Variants in AKAP12 observed in about 807,000 individuals in gnomAD.
The protein encoded by AKAP12 is A-kinase anchoring protein 12, also known as A-kinase anchor protein 12.
In AKAP12, 32 loss-of-function variants were observed where a neutral mutation model predicts 79.9. The ratio of observed to expected loss-of-function variants is 0.40; its 90% confidence interval spans 0.30 to 0.54. The LOEUF is 0.54. AKAP12 is among the 20% of genes least tolerant of loss of function. The probability of loss-of-function intolerance (pLI) is 0.48; values close to 1 mark genes in which losing one functional copy is unlikely to be tolerated. For missense variants in AKAP12, 2,074 were observed against 2,177.0 expected (o/e 0.95, Z 0.94); for synonymous variants, 808 against 857.0 (o/e 0.94, Z 1.00).
chr6:151,261,626 G>A (rs147860090), intron 2 of AKAP12, among the ~76,000 whole-genome samples: 8,095 of 151,634 alleles, frequency 0.053, 261 homozygotes, highest in African/African-American at 0.085. Flanking sequence ...ACTTGAACCC[G>A]GGAGGTGGAG....
intron 3 of AKAP12, among the ~76,000 whole-genome samples, chr6:151,330,861 T>C (rs556542570): frequency 6.6e-6 from 1 of 152,266 alleles, no homozygotes; most frequent in East Asian, 1.9e-4. Flanking sequence ...CTCTACATTA[T>C]ATGGAGCTTG....
At chr6:151,295,904 A>T (rs906824749) in intron 2 of AKAP12, among the ~76,000 whole-genome samples, 2 of 152,188 alleles carry the variant, frequency 1.3e-5, no homozygotes, top group African/African-American at 4.8e-5. Flanking sequence ...GGTGATGGTG[A>T]GGAGATGTTC....
intron 2 of AKAP12, among the ~76,000 whole-genome samples, chr6:151,268,377 A>G (rs893344493): frequency 3.9e-5 from 6 of 152,154 alleles, no homozygotes; most frequent in Non-Finnish European, 8.8e-5. Context: ...AGATCACGCC[A>G]TTGCACTCCA....
chr6:151,349,000 A>G lies in AKAP12; in HGVS notation c.609A>G (p.Lys203=), dbSNP rs1334478339. 1 of 1,614,010 alleles carries G rather than the reference A, an allele frequency of 6.2e-7. No individual in the cohort carries two copies. Among genetic ancestry groups the G allele is most frequent in the Non-Finnish European group, 8.5e-7 (1 of 1,180,024 alleles). Residue 203 remains lysine, a synonymous_variant, in exon 4 of 5, where the codon AAA becomes AAG. Transcript: ENST00000402676. ...CTGTCCAGCTACTCACTGTGAAGAAAGATGAAGGGGAGGGAGCAGCAGGGG... is the reference window on the plus strand; with the variant it reads ...CTGTCCAGCTACTCACTGTGAAGAAGGATGAAGGGGAGGGAGCAGCAGGGG... ...PDTVQLLTVK[K]DEGEGAAGAG... is the part of the protein sequence containing the mutation.
intron 3 of AKAP12, among the ~76,000 whole-genome samples, chr6:151,322,814 A>C (rs1267532459): frequency 6.7e-6 from 1 of 150,100 alleles, no homozygotes; most frequent in Non-Finnish European, 1.5e-5. Context: ...TCTCATTTAG[A>C]TCCCTGGGTG....
At chr6:151,321,871 CCT>C (rs1315772175) in intron 3 of AKAP12, among the ~76,000 whole-genome samples, 1 of 150,332 alleles carries the variant, frequency 6.7e-6, no homozygotes, top group Non-Finnish European at 1.5e-5. Context: ...GCCACCTGCC[CCT>C]GTTTTTTAAA....
In AKAP12 at chr6:151,351,839, CAGG is replaced by C. The variant is rs779665518; in HGVS notation, c.3451_3453del (p.Glu1151del). On this transcript the variant is annotated inframe_deletion, in exon 4 of 5. Transcript: ENST00000402676. The surrounding 1 kb of genome is among the most constrained non-coding windows in gnomAD (Gnocchi z 4.4). ...CGAAACCTTAGCTGGGGTAAAATCA[CAGG>C]AGATGGTGATGGAACAGGCTATCCC... is the stretch of plus-strand genomic sequence containing the variant. 14 of 1,613,934 alleles carry C rather than the reference CAGG, an allele frequency of 8.7e-6. No individual in the cohort carries two copies. Among genetic ancestry groups the C allele is most frequent in the Admixed American group, 8.3e-5 (5 of 59,982 alleles).
At chr6:151,277,538 T>C (rs1258192941) in intron 2 of AKAP12, among the ~76,000 whole-genome samples, 1 of 152,204 alleles carries the variant, frequency 6.6e-6, no homozygotes, top group East Asian at 1.9e-4. Flanking sequence ...TACCTCAAAA[T>C]TTGGTGCTTG....
intron 3 of AKAP12, among the ~76,000 whole-genome samples, chr6:151,315,054 G>GAA (rs75653442): frequency 0.023 from 2,909 of 129,276 alleles, 110 homozygotes; most frequent in African/African-American, 0.079. Context: ...TCTGTCTCAA[G>GAA]AAAAAAAAAA....
chr6:151,350,327 A>G lies in AKAP12; in HGVS notation c.1936A>G (p.Thr646Ala), dbSNP rs758879145. 5.0e-6 allele frequency: 8 copies of G among 1,613,962 alleles called. No homozygotes were observed. In the South Asian group the frequency reaches 7.7e-5, roughly 16 times the overall value. Reference sequence around the variant, plus strand: ...GGTCAAGAGCGCTACCTTGTCTTCCACCGAGAGCACAGCCTCTGAAATGCA... The same window carrying G: ...GGTCAAGAGCGCTACCTTGTCTTCCGCCGAGAGCACAGCCTCTGAAATGCA... ...DKVKSATLSS[T>A]ESTASEMQEE... The change falls in exon 4 of 5, where the codon ACC (threonine) becomes GCC (alanine). Residue 646 changes from threonine (T) to alanine (A), a missense_variant. Transcript: ENST00000402676. The surrounding 1 kb of genome is among the most constrained non-coding windows in gnomAD (Gnocchi z 4.8).
rs376358304 is a variant in AKAP12 at position 151,350,787 on chromosome 6, G to T, written c.2396G>T (p.Gly799Val). Residue 799 changes from glycine (G) to valine (V), a missense_variant, in exon 4 of 5, where the codon GGT becomes GTT. Gly to Val is a moderately radical substitution (Grantham distance 109). Transcript: ENST00000402676. This position sits in a 1 kb window ranked among gnomAD's most constrained non-coding sequence, Gnocchi z 4.8. ...VEHSTPDTEPGKEESWVSIKK... is the reference protein window; with the variant it reads ...VEHSTPDTEPVKEESWVSIKK... ...CATTCCACTCCAGACACTGAACCCG[G>T]TAAAGAAGAATCCTGGGTCTCAATC... 6.2e-7 allele frequency: 1 copy of T among 1,614,026 alleles called. No homozygotes were observed. The highest frequency in any genetic ancestry group is 1.7e-5 in the Admixed American group (1 of 60,022).
At chr6:151,281,057 G>A (rs533508029) in intron 2 of AKAP12, among the ~76,000 whole-genome samples, 4 of 152,284 alleles carry the variant, frequency 2.6e-5, no homozygotes, top group East Asian at 1.9e-4. Context: ...GCAGGAAGTG[G>A]CTGTGTTTCT....
intron 2 of AKAP12, among the ~76,000 whole-genome samples, chr6:151,301,486 G>A (rs7739704): frequency 2.0e-5 from 3 of 152,104 alleles, no homozygotes; most frequent in Non-Finnish European, 4.4e-5. Flanking sequence ...TCAGAAGTCC[G>A]TGAATTTTTA....
At chr6:151,241,877 T>G (rs1234952994) in intron 2 of AKAP12, among the ~76,000 whole-genome samples, 2 of 149,630 alleles carry the variant, frequency 1.3e-5, no homozygotes, top group Admixed American at 6.6e-5. Context: ...TGCCTTGACC[T>G]CCTTAGCTGC....
At chr6:151,286,547 C>G (rs7764915) in intron 2 of AKAP12, among the ~76,000 whole-genome samples, 68,903 of 152,108 alleles carry the variant, frequency 0.45, 16,758 homozygotes, top group East Asian at 0.78. Context: ...TAGTCACTCA[C>G]ATGTGAATAT....
At chr6:151,338,807 G>A (rs924004743) in intron 3 of AKAP12, among the ~76,000 whole-genome samples, 2 of 152,140 alleles carry the variant, frequency 1.3e-5, no homozygotes, top group African/African-American at 4.8e-5. Flanking sequence ...TCCTTCTCAG[G>A]GTATTGCACG....
Position 151,350,025 on chromosome 6 carries a change from G to A in AKAP12, c.1634G>A (p.Gly545Glu). 1 of 1,614,108 alleles carries A rather than the reference G, an allele frequency of 6.2e-7. No homozygotes were observed. The highest frequency in any genetic ancestry group is 8.5e-7 in the Non-Finnish European group (1 of 1,180,034). The change falls in exon 4 of 5, where the codon GGG becomes GAG. Residue 545 changes from glycine to glutamate, a missense_variant. This residue lies in a region of AKAP12 where 1,428 missense variants were observed against 1,451.0 expected (regional missense o/e 0.98). Coordinates refer to ENST00000402676, the MANE Select transcript of AKAP12 (RefSeq NM_005100.4). The surrounding 1 kb of genome is among the most constrained non-coding windows in gnomAD (Gnocchi z 4.8). Reference protein sequence around the residue: ...GKRGGGDEESGEHTQVPADSP... With the variant: ...GKRGGGDEESEEHTQVPADSP... The stretch of plus-strand genomic sequence containing the variant: ...AGAGGAGGAGGAGACGAGGAATCAG[G>A]GGAGCACACTCAGGTTCCAGCCGAT...
chr6:151,277,468 T>G (rs1421623807), intron 2 of AKAP12, among the ~76,000 whole-genome samples: 1 of 152,202 alleles, frequency 6.6e-6, no homozygotes, highest in East Asian at 1.9e-4. Context: ...ATCTAGATGT[T>G]TCCAATAGGA....
chr6:151,292,444 T>A (rs1226098700), intron 2 of AKAP12, among the ~76,000 whole-genome samples: 1 of 152,190 alleles, frequency 6.6e-6, no homozygotes, highest in African/African-American at 2.4e-5. Flanking sequence ...TCCTTCAGTA[T>A]CTTAGACGAA....
Sources: gnomAD v4.1 joint callset for allele counts (sites outside exome capture counted in the v4.1 genomes callset) on GRCh38, gnomAD v4.1.1 for gene constraint, gnomAD v4.1.1 regional missense constraint, Gnocchi (gnomAD v3.1) non-coding constraint, MANE v1.5 for transcripts, NCBI Gene and HGNC (gene_info 2026-07-23, HGNC 2026-07-21) for gene names.